Variants in EVI5 observed in about 807,000 individuals in gnomAD.
EVI5 encodes ecotropic viral integration site 5.
EVI5 carries 73 observed loss-of-function variants against 112.0 expected under a neutral mutation model. The observed-to-expected ratio is 0.65, with a 90% CI of 0.54 to 0.79. The LOEUF is 0.79. Ranked by LOEUF, EVI5 falls within the 30% of genes least tolerant of loss-of-function variation. EVI5 has a pLI of 0.00. For missense variants in EVI5, 900 were observed against 968.8 expected (o/e 0.93, Z 0.94); for synonymous variants, 305 against 319.9 (o/e 0.95, Z 0.50).
chr1:92,656,423 T>C (rs1663002408), intron 13 of EVI5, among the ~76,000 whole-genome samples: 1 of 151,926 alleles, frequency 6.6e-6, no homozygotes, highest in Non-Finnish European at 1.5e-5. Context: ...TGCAGCATTA[T>C]ATGCCTAAAT....
chr1:92,577,497 G>A (rs1041110626), intron 18 of EVI5, among the ~76,000 whole-genome samples: 1 of 152,216 alleles, frequency 6.6e-6, no homozygotes, highest in South Asian at 2.1e-4. Context: ...AGGAAAGCTG[G>A]TTAGTGAATG....
chr1:92,782,213 G>A (rs866761657), intron 1 of EVI5, among the ~76,000 whole-genome samples: 59 of 151,828 alleles, frequency 3.9e-4, no homozygotes, highest in African/African-American at 1.4e-3. Flanking sequence ...AGCCGAGATC[G>A]CGCCACTGCA....
intron 2 of EVI5, chr1:92,714,221 T>C (rs1673277990): frequency 1.4e-6 from 1 of 733,384 alleles, no homozygotes; most frequent in South Asian, 6.1e-5. Context: ...GCAGTAAAAC[T>C]ATGAAAAGAA....
intron 18 of EVI5, among the ~76,000 whole-genome samples, chr1:92,592,229 CGAGACTCCGT>C (rs1674078934): frequency 6.6e-6 from 1 of 152,002 alleles, no homozygotes; most frequent in Non-Finnish European, 1.5e-5. Context: ...GGTGACAGAG[CGAGACTCCGT>C]CTCAGAAAAA....
rs1263961912 is a variant in EVI5 at position 92,575,766 on chromosome 1, G to A, written c.2071-12029C>T. ...TTTAGCAGAGACAGGGTTTCACCAT[G>A]TTGGCCGGGCTGGTCTCAAATTCCT... On this transcript the variant is annotated intron_variant, in intron 18 of 19. Coordinates refer to ENST00000684568, the MANE Select transcript of EVI5 (RefSeq NM_001350197.2). Among the ~76,000 whole-genome samples, 4 of 151,992 alleles carry A rather than the reference G, an allele frequency of 2.6e-5. No individual in the cohort carries two copies. The East Asian group carries it at 7.7e-4, about 29-fold the overall frequency.
At chr1:92,762,157 T>G (rs1393197224) in intron 1 of EVI5, among the ~76,000 whole-genome samples, 1 of 152,154 alleles carries the variant, frequency 6.6e-6, no homozygotes, top group East Asian at 1.9e-4. Context: ...AACACGACAA[T>G]TATCTTTTCT....
At chr1:92,719,587 A>C (rs1674392117) in intron 2 of EVI5, among the ~76,000 whole-genome samples, 1 of 152,042 alleles carries the variant, frequency 6.6e-6, no homozygotes, top group Non-Finnish European at 1.5e-5. Context: ...CACAGCCAAT[A>C]TCATACTGAA....
chr1:92,695,530 G>T, intron 6 of EVI5, 77 bp from the exon 7 acceptor site: 2 of 929,170 alleles, frequency 2.2e-6, no homozygotes, highest in Non-Finnish European at 3.2e-6. Flanking sequence ...TACTAGATTA[G>T]CCTATACCAA....
chr1:92,735,497 C>T (rs955794940), intron 2 of EVI5, among the ~76,000 whole-genome samples: 2 of 151,010 alleles, frequency 1.3e-5, no homozygotes, highest in Non-Finnish European at 2.9e-5. Context: ...ATCAAAAAAC[C>T]TGTTAAAAGT....
At chr1:92,690,023 G>C (rs1234681267) in intron 9 of EVI5, among the ~76,000 whole-genome samples, 1 of 152,062 alleles carries the variant, frequency 6.6e-6, no homozygotes, top group Non-Finnish European at 1.5e-5. Flanking sequence ...GGAAAAGCCA[G>C]GACTACAGGC....
intron 19 of EVI5, among the ~76,000 whole-genome samples, chr1:92,557,821 C>T (rs1451917658): frequency 6.6e-6 from 1 of 151,708 alleles, no homozygotes; most frequent in African/African-American, 2.4e-5. Flanking sequence ...GGTTCCCAGG[C>T]TCAAGCAATC....
In EVI5 at chr1:92,510,289, T is replaced by C. The variant is rs1337658035; in HGVS notation, c.*3367A>G. ...ACTATAACCTTTACTCAATAAAGCA[T>C]ACTCTTAAAGGTCTGTGATGCATGC... On this transcript the variant is annotated 3_prime_UTR_variant, in exon 20 of 20. Transcript: ENST00000684568. 1 of 152,236 alleles carries C rather than the reference T, an allele frequency of 6.6e-6. No homozygotes were observed. Among genetic ancestry groups the C allele is most frequent in the Non-Finnish European group, 1.5e-5 (1 of 68,042 alleles). The allele number at this position is 152,236 out of a possible 1,614,324, so 9.4% of individuals were successfully genotyped here.
chr1:92,514,498 T>TA (rs1659572720), intron 19 of EVI5, among the ~76,000 whole-genome samples: 1 of 152,188 alleles, frequency 6.6e-6, no homozygotes. Context: ...TCCTATGTGA[T>TA]AGATTTTAGT....
intron 2 of EVI5, among the ~76,000 whole-genome samples, chr1:92,735,338 A>G (rs1420343095): frequency 6.6e-6 from 1 of 152,116 alleles, no homozygotes; most frequent in African/African-American, 2.4e-5. Flanking sequence ...AAAATTCTAG[A>G]AAATGCAAAC....
intron 13 of EVI5, among the ~76,000 whole-genome samples, chr1:92,655,340 GA>G (rs34169973): frequency 0.92 from 137,486 of 150,164 alleles, 62,969 homozygotes; most frequent in South Asian, 0.97. Flanking sequence ...ACTTATTAAA[GA>G]AAAAAAAAAA....
At position 92,509,322 on chromosome 1, in the gene EVI5, GAA is replaced by G. The variant is rs1233514470; in HGVS notation, c.*4332_*4333del. On this transcript the variant is annotated 3_prime_UTR_variant, in exon 20 of 20. Transcript: ENST00000684568. ...CAAGCTGCATCATGTTCAGAATTGAGAAAAAGTTTTTCTCCTTCCCAAATAAC... is the reference window on the plus strand; with the variant it reads ...CAAGCTGCATCATGTTCAGAATTGAGAAAGTTTTTCTCCTTCCCAAATAAC... The G allele has an allele frequency of 1.3e-5, 2 of 152,492 alleles. No homozygotes were observed. The highest frequency in any genetic ancestry group is 4.8e-5 in the African/African-American group (2 of 41,408). 9.4% of individuals were successfully genotyped at this position (152,492 alleles called of 1,614,324 possible).
chr1:92,545,797 C>T (rs1449110598), intron 19 of EVI5, among the ~76,000 whole-genome samples: 1 of 152,072 alleles, frequency 6.6e-6, no homozygotes, highest in African/African-American at 2.4e-5. Flanking sequence ...AGGAGTGCCC[C>T]TCTCTACTCA....
intron 19 of EVI5, among the ~76,000 whole-genome samples, chr1:92,537,222 C>A (rs1664053459): frequency 6.6e-6 from 1 of 152,082 alleles, no homozygotes; most frequent in Non-Finnish European, 1.5e-5. Flanking sequence ...TCATGTGACA[C>A]CAAGTGAACT....
chr1:92,591,816 GCAC>G (rs1673972474), intron 18 of EVI5, among the ~76,000 whole-genome samples: 1 of 152,150 alleles, frequency 6.6e-6, no homozygotes, highest in African/African-American at 2.4e-5. Context: ...ATTCTTTTCA[GCAC>G]CACACCACAC....
Sources: allele counts gnomAD v4.1 joint callset (sites outside exome capture counted in the v4.1 genomes callset), GRCh38; gene constraint gnomAD v4.1.1; transcripts MANE v1.5; gene names NCBI Gene and HGNC (gene_info 2026-07-23, HGNC 2026-07-21).